TSPAN7: variants seen among roughly 807,000 people sequenced by gnomAD.
TSPAN7 encodes the protein tetraspanin-7.
A neutral mutation model predicts 17.6 loss-of-function variants in TSPAN7; 1 was observed. That is an observed-to-expected ratio of 0.06 (90% CI 0.02 to 0.27). The LOEUF (loss-of-function observed/expected upper bound fraction) is 0.27. Ranked by LOEUF, TSPAN7 falls within the 10% of genes least tolerant of loss-of-function variation. The pLI is 1.00. For missense variants in TSPAN7, 112 were observed against 201.7 expected (o/e 0.56, Z 2.69); for synonymous variants, 78 against 79.0 (o/e 0.99, Z 0.07).
intron 1 of TSPAN7, among the ~76,000 whole-genome samples, chrX:38,622,618 A>G (rs1475946842): frequency 1.8e-5 from 2 of 112,474 alleles, no homozygotes. Context: ...TCTGACTGGT[A>G]TGTGATGTCT....
intron 1 of TSPAN7, among the ~76,000 whole-genome samples, chrX:38,627,777 G>A (rs755380335): frequency 8.8e-6 from 1 of 113,252 alleles, no homozygotes; most frequent in East Asian, 2.8e-4. Context: ...CCCTTGTGGG[G>A]GGATGGCACA....
chrX:38,580,736 C>A (rs149493016), intron 1 of TSPAN7, among the ~76,000 whole-genome samples: 140 of 112,024 alleles, frequency 1.2e-3, no homozygotes, highest in African/African-American at 4.2e-3. Context: ...GAAGTAATTA[C>A]TCCTCATTTT....
chrX:38,686,979 A>G (rs2069930720), intron 6 of TSPAN7, among the ~76,000 whole-genome samples: 1 of 111,282 alleles, frequency 9.0e-6, no homozygotes, highest in Non-Finnish European at 1.9e-5. Flanking sequence ...CATGGCCGAG[A>G]GACAGAATAT....
chrX:38,655,490 G>GTT (rs201711330), intron 1 of TSPAN7, among the ~76,000 whole-genome samples: 15 of 107,462 alleles, frequency 1.4e-4, no homozygotes, highest in Non-Finnish European at 2.1e-4. Context: ...CAGTTTTTAA[G>GTT]TTTTTTTTTT....
intron 1 of TSPAN7, among the ~76,000 whole-genome samples, chrX:38,639,848 C>G (rs925652369): frequency 6.3e-5 from 7 of 110,515 alleles, no homozygotes; most frequent in African/African-American, 2.3e-4. Flanking sequence ...TTTTTTCTCA[C>G]TTTCATTGTA....
chrX:38,679,252 G>A (rs142196869), intron 5 of TSPAN7, among the ~76,000 whole-genome samples: 1 of 111,859 alleles, frequency 8.9e-6, no homozygotes, highest in Non-Finnish European at 1.9e-5. Flanking sequence ...TAAGAAAATA[G>A]CTCATTCTGC....
intron 1 of TSPAN7, among the ~76,000 whole-genome samples, chrX:38,626,990 G>A (rs1469135828): frequency 1.8e-5 from 2 of 111,313 alleles, no homozygotes; most frequent in Non-Finnish European, 3.8e-5. Flanking sequence ...CCTGGGTATG[G>A]CCTTATCATA....
At chrX:38,628,890 A>G (rs1441088969) in intron 1 of TSPAN7, among the ~76,000 whole-genome samples, 1 of 111,774 alleles carries the variant, frequency 8.9e-6, no homozygotes. Flanking sequence ...AATGGCCAGT[A>G]AGTTTTAGGC....
chrX:38,625,295 A>G (rs974253984), intron 1 of TSPAN7, among the ~76,000 whole-genome samples: 3 of 110,842 alleles, frequency 2.7e-5, no homozygotes, highest in Non-Finnish European at 5.7e-5. Context: ...CCTTTTCTTA[A>G]CTACTGAGGC....
chrX:38,627,521 A>G, intron 1 of TSPAN7, among the ~76,000 whole-genome samples: 1 of 111,861 alleles, frequency 8.9e-6, no homozygotes, highest in Non-Finnish European at 1.9e-5. Flanking sequence ...GAATGTGTGT[A>G]CTAGTCCAAT....
At chrX:38,589,748 T>C (rs1309676715) in intron 1 of TSPAN7, among the ~76,000 whole-genome samples, 1 of 112,410 alleles carries the variant, frequency 8.9e-6, no homozygotes. Flanking sequence ...TGGTATTTGA[T>C]TGTTTCATTA....
Position 38,671,320 on chromosome X carries a change from A to T in TSPAN7, c.271-56A>T. ...GATTGAAAGTAACCTACCCTGAAGAAGCCCTCTTCTTAATCCTGATGTATC... is the reference window on the plus strand; with the variant it reads ...GATTGAAAGTAACCTACCCTGAAGATGCCCTCTTCTTAATCCTGATGTATC... On this transcript the variant is annotated intron_variant, in intron 2 of 7. Coordinates refer to ENST00000378482, the MANE Select transcript of TSPAN7 (RefSeq NM_004615.4). 3 of 1,127,908 alleles carry T rather than the reference A, an allele frequency of 2.7e-6. No homozygotes were observed. The South Asian group carries it at 5.4e-5, about 20-fold the overall frequency. 93.0% of individuals were successfully genotyped at this position (1,127,908 alleles called of 1,213,427 possible).
chrX:38,594,983 T>C lies in TSPAN7; in HGVS notation c.81+33356T>C, dbSNP rs1339366757. Among the ~76,000 whole-genome samples the C allele has an allele frequency of 8.9e-5, 10 of 111,737 alleles. No homozygotes were observed. In the East Asian group the frequency reaches 2.8e-3, roughly 32 times the overall value. On this transcript the variant is annotated intron_variant, in intron 1 of 7. Coordinates refer to ENST00000378482, the MANE Select transcript of TSPAN7 (RefSeq NM_004615.4). ...CTTCCTTTTTTTTATAGCAGCTTGG[T>C]ACTCCATCATGTAACTGTATCATAG...
At chrX:38,562,644 C>T (rs2069119573) in intron 1 of TSPAN7, among the ~76,000 whole-genome samples, 1 of 110,752 alleles carries the variant, frequency 9.0e-6, no homozygotes, top group Admixed American at 9.4e-5. Flanking sequence ...ATCATGGAAT[C>T]AGTGCAGGGC....
intron 3 of TSPAN7, among the ~76,000 whole-genome samples, chrX:38,671,903 C>G (rs774900057): frequency 2.1e-4 from 23 of 110,570 alleles, no homozygotes; most frequent in Non-Finnish European, 3.6e-4. Context: ...AATAAATTAG[C>G]TGGGTGTGGT....
intron 1 of TSPAN7, among the ~76,000 whole-genome samples, chrX:38,570,380 G>T (rs2069163650): frequency 8.9e-6 from 1 of 111,765 alleles, no homozygotes; most frequent in Admixed American, 9.5e-5. Flanking sequence ...AACATTTGGG[G>T]AACATTAAGT....
At chrX:38,620,297 C>T (rs1393740485) in intron 1 of TSPAN7, among the ~76,000 whole-genome samples, 7 of 111,967 alleles carry the variant, frequency 6.3e-5, no homozygotes, top group Non-Finnish European at 3.8e-5. Flanking sequence ...GAATTCGCCT[C>T]CTCATGGGAG....
chrX:38,636,329 C>T lies in TSPAN7; in HGVS notation c.82-29792C>T, dbSNP rs144216887. On this transcript the variant is annotated intron_variant, in intron 1 of 7. Coordinates refer to ENST00000378482, the MANE Select transcript of TSPAN7 (RefSeq NM_004615.4). ...ATCACCCTGACTTTGAGTGAATAAC[C>T]GTTACTCATTCTCTTCTCGTAGAGA... Among the ~76,000 whole-genome samples the T allele has an allele frequency of 4.6e-4, 52 of 111,968 alleles. No homozygotes were observed. The East Asian group carries it at 0.013, about 28-fold the overall frequency.
chrX:38,684,296 C>T (rs2069912233), intron 6 of TSPAN7, among the ~76,000 whole-genome samples: 1 of 112,178 alleles, frequency 8.9e-6, no homozygotes, highest in South Asian at 3.8e-4. Context: ...TTGTGTCAAG[C>T]ATTAAACACT....
Sources: allele counts gnomAD v4.1 joint callset (sites outside exome capture counted in the v4.1 genomes callset), GRCh38; gene constraint gnomAD v4.1.1; transcripts MANE v1.5; gene names NCBI Gene and HGNC (gene_info 2026-07-23, HGNC 2026-07-21).